Variants in DOCK2 observed in about 807,000 individuals in gnomAD.
DOCK2 encodes dedicator of cytokinesis protein 2.
DOCK2 carries 87 observed loss-of-function variants against 248.9 expected under a neutral mutation model. The observed-to-expected ratio is 0.35, with a 90% CI of 0.29 to 0.42. DOCK2 has a LOEUF of 0.42. DOCK2 is among the 10% of genes least tolerant of loss of function. The probability of loss-of-function intolerance (pLI) is 1.00; values close to 1 mark genes in which losing one functional copy is unlikely to be tolerated. For missense variants in DOCK2, 1,747 were observed against 2,300.2 expected (o/e 0.76, Z 4.92); for synonymous variants, 805 against 821.6 (o/e 0.98, Z 0.35).
intron 35 of DOCK2, 105 bp from the exon 36 acceptor site, chr5:170,036,410 C>A: frequency 8.6e-7 from 1 of 1,167,738 alleles, no homozygotes; most frequent in East Asian, 2.5e-5. Context: ...CTCAGGGTAC[C>A]CAGATACTAG....
At chr5:170,033,093 CACT>C (rs35754093) in intron 34 of DOCK2, among the ~76,000 whole-genome samples, 4,047 of 152,256 alleles carry the variant, frequency 0.027, 165 homozygotes, top group African/African-American at 0.092. Flanking sequence ...AAATAATTCT[CACT>C]TATCAGAATT....
chr5:169,857,917 T>G (rs1378368035), intron 27 of DOCK2, among the ~76,000 whole-genome samples: 1 of 152,170 alleles, frequency 6.6e-6, no homozygotes, highest in Non-Finnish European at 1.5e-5. Context: ...TTATATTTGA[T>G]AAGTGTTAAG....
intron 27 of DOCK2, among the ~76,000 whole-genome samples, chr5:169,901,445 G>A (rs1248427538): frequency 1.3e-5 from 2 of 152,100 alleles, no homozygotes; most frequent in Non-Finnish European, 2.9e-5. Flanking sequence ...GCATGCATGC[G>A]TGCATGTGTG....
chr5:169,757,780 G>A (rs926692116), intron 23 of DOCK2, among the ~76,000 whole-genome samples: 1 of 152,168 alleles, frequency 6.6e-6, no homozygotes, highest in South Asian at 2.1e-4. Flanking sequence ...ATATGAACAT[G>A]CAATTTAGTA....
At chr5:169,889,141 G>A (rs1159418444) in intron 27 of DOCK2, among the ~76,000 whole-genome samples, 1 of 152,160 alleles carries the variant, frequency 6.6e-6, no homozygotes, top group Non-Finnish European at 1.5e-5. Context: ...ATATAATCCT[G>A]TATTATCTAA....
At position 169,818,137 on chromosome 5, in the gene DOCK2, A is replaced by G. The variant is rs141275556; in HGVS notation, c.2703+14931A>G. Among the ~76,000 whole-genome samples, 356 of 152,174 alleles carry G rather than the reference A, an allele frequency of 2.3e-3. 1 individual carries two copies. Among genetic ancestry groups the G allele is most frequent in the African/African-American group, 8.0e-3 (333 of 41,510 alleles). ...GCCTACGTGAACATGCGTAACCCAT[A>G]ATGTTTTGAACTCTGGGGCAGAGAT... On this transcript the variant is annotated intron_variant, in intron 26 of 51. Coordinates refer to ENST00000520908, the MANE Select transcript of DOCK2 (RefSeq NM_004946.3).
At chr5:169,874,627 C>G (rs926627633) in intron 27 of DOCK2, among the ~76,000 whole-genome samples, 3 of 152,010 alleles carry the variant, frequency 2.0e-5, no homozygotes, top group South Asian at 2.1e-4. Flanking sequence ...TGCTGTTGAC[C>G]CTCTAGGGCC....
At chr5:169,646,894 C>T (rs371224206) in intron 1 of DOCK2, among the ~76,000 whole-genome samples, 1 of 152,228 alleles carries the variant, frequency 6.6e-6, no homozygotes, top group East Asian at 1.9e-4. Flanking sequence ...ACAATTCTTA[C>T]AGTCTGTTCA....
At chr5:169,972,230 A>G (rs1777530350) in intron 27 of DOCK2, among the ~76,000 whole-genome samples, 1 of 152,150 alleles carries the variant, frequency 6.6e-6, no homozygotes, top group African/African-American at 2.4e-5. Context: ...ACCCTCATAG[A>G]TTGTTCCTGC....
chr5:169,835,053 G>T (rs1425759493), intron 26 of DOCK2, among the ~76,000 whole-genome samples: 1 of 152,020 alleles, frequency 6.6e-6, no homozygotes, highest in African/African-American at 2.4e-5. Flanking sequence ...TTTTTGGTGG[G>T]GGGGTGGCAT....
intron 44 of DOCK2, among the ~76,000 whole-genome samples, chr5:170,061,321 G>A (rs539883897): frequency 1.3e-5 from 2 of 152,342 alleles, no homozygotes; most frequent in African/African-American, 4.8e-5. Context: ...TTTACGTGTA[G>A]TAGAAGAAGC....
chr5:169,871,712 G>A (rs144873479), intron 27 of DOCK2, among the ~76,000 whole-genome samples: 88 of 152,256 alleles, frequency 5.8e-4, no homozygotes, highest in Non-Finnish European at 1.1e-3. Context: ...TGGTGGGGGT[G>A]GAGGTGGTGG....
At chr5:169,922,970 G>A (rs944331696) in intron 27 of DOCK2, among the ~76,000 whole-genome samples, 3 of 152,088 alleles carry the variant, frequency 2.0e-5, no homozygotes, top group East Asian at 1.9e-4. Context: ...TGTAAATATC[G>A]AATTGTGAAT....
At chr5:170,043,908 C>G (rs183419751) in intron 38 of DOCK2, among the ~76,000 whole-genome samples, 1 of 152,328 alleles carries the variant, frequency 6.6e-6, no homozygotes, top group Admixed American at 6.5e-5. Context: ...GTGAGCAAAA[C>G]AGACATGCCA....
intron 27 of DOCK2, among the ~76,000 whole-genome samples, chr5:169,934,347 C>T (rs994066662): frequency 1.3e-5 from 2 of 152,136 alleles, no homozygotes; most frequent in Non-Finnish European, 2.9e-5. Flanking sequence ...TAGTTGTCCC[C>T]GGAGTGGATC....
chr5:169,821,416 G>A (rs1768431362), intron 26 of DOCK2, among the ~76,000 whole-genome samples: 1 of 152,176 alleles, frequency 6.6e-6, no homozygotes, highest in South Asian at 2.1e-4. Context: ...ACTAACAGCT[G>A]ATCTCTCGGC....
At chr5:169,890,325 T>C (rs1341657323) in intron 27 of DOCK2, among the ~76,000 whole-genome samples, 1 of 152,206 alleles carries the variant, frequency 6.6e-6, no homozygotes, top group East Asian at 1.9e-4. Flanking sequence ...TAAGGAGCCA[T>C]TTACTGTTGA....
intron 8 of DOCK2, among the ~76,000 whole-genome samples, chr5:169,687,281 T>C (rs1219032212): frequency 1.3e-5 from 2 of 152,194 alleles, no homozygotes; most frequent in Admixed American, 6.5e-5. Context: ...TCCACTACAA[T>C]TTTTAGATCT....
At chr5:169,665,479 CACAT>C (rs1758671799) in intron 2 of DOCK2, among the ~76,000 whole-genome samples, 1 of 149,932 alleles carries the variant, frequency 6.7e-6, no homozygotes, top group Non-Finnish European at 1.5e-5. Flanking sequence ...TATATACACA[CACAT>C]ATGTATGTGC....
Sources: gnomAD v4.1 joint callset for allele counts (sites outside exome capture counted in the v4.1 genomes callset) on GRCh38, gnomAD v4.1.1 for gene constraint, MANE v1.5 for transcripts, NCBI Gene and HGNC (gene_info 2026-07-23, HGNC 2026-07-21) for gene names.